Variants in AATF observed in about 807,000 individuals in gnomAD.
AATF encodes protein AATF.
A neutral mutation model predicts 63.7 loss-of-function variants in AATF; 48 were observed. The observed-to-expected ratio is 0.75, with a 90% CI of 0.60 to 0.96. The LOEUF is 0.96. AATF is among the 40% of genes least tolerant of loss of function. The probability of loss-of-function intolerance (pLI) is 0.00; values close to 1 mark genes in which losing one functional copy is unlikely to be tolerated. For missense variants in AATF, 639 were observed against 685.7 expected, an observed-to-expected ratio of 0.93 and a Z score of 0.76; for synonymous variants, 258 against 247.7, an observed-to-expected ratio of 1.04 and a Z score of -0.39.
At chr17:36,983,023 G>T (rs1175482979) in intron 4 of AATF, among the ~76,000 whole-genome samples, 1 of 151,682 alleles carries the variant, frequency 6.6e-6, no homozygotes, top group East Asian at 1.9e-4. Flanking sequence ...TTTTTTTAGT[G>T]TTTCTTTTTT....
At chr17:36,976,654 TAC>T (rs879664782) in intron 4 of AATF, among the ~76,000 whole-genome samples, 1 of 152,194 alleles carries the variant, frequency 6.6e-6, no homozygotes, top group Non-Finnish European at 1.5e-5. Flanking sequence ...GTGAGTAGTT[TAC>T]AGTTTCTGCT....
intron 8 of AATF, among the ~76,000 whole-genome samples, chr17:36,992,731 C>T (rs1417891427): frequency 6.6e-6 from 1 of 151,414 alleles, no homozygotes; most frequent in African/African-American, 2.4e-5. Context: ...AGAGTTATGA[C>T]TAGTCACATC....
At chr17:36,962,962 A>G (rs1399519777) in intron 4 of AATF, among the ~76,000 whole-genome samples, 2 of 152,152 alleles carry the variant, frequency 1.3e-5, no homozygotes, top group Non-Finnish European at 2.9e-5. Flanking sequence ...TATTAAAAAT[A>G]CAAAAAATGA....
chr17:36,953,417 C>T (rs2070873262), intron 3 of AATF, 121 bp downstream of exon 3: 4 of 1,465,140 alleles, frequency 2.7e-6, no homozygotes, highest in Non-Finnish European at 3.6e-6. Context: ...TTGTGACATG[C>T]CCCACTTACC....
At chr17:37,015,123 T>C (rs1314764674) in intron 8 of AATF, among the ~76,000 whole-genome samples, 10 of 152,250 alleles carry the variant, frequency 6.6e-5, no homozygotes, top group Non-Finnish European at 1.2e-4. Context: ...TCCTTAACTG[T>C]CTGTTCATAT....
chr17:37,007,247 G>T (rs1406180312), intron 8 of AATF, among the ~76,000 whole-genome samples: 1 of 152,058 alleles, frequency 6.6e-6, no homozygotes, highest in East Asian at 1.9e-4. Flanking sequence ...GACCATAGTG[G>T]TGCAGTCATA....
chr17:36,950,373 A>G lies in AATF; in HGVS notation c.251A>G (p.Asp84Gly), dbSNP rs973725896. 5.6e-6 allele frequency: 9 copies of G among 1,614,174 alleles called. No homozygotes were observed. Among genetic ancestry groups the G allele is most frequent in the Non-Finnish European group, 7.6e-6 (9 of 1,180,034 alleles). Residue 84 changes from aspartate (D) to glycine (G), a missense_variant, in exon 2 of 12, where the codon GAC becomes GGC. By Grantham distance (94) the Asp-to-Gly change is moderately conservative (BLOSUM62 -1). Coordinates refer to ENST00000619387, the MANE Select transcript of AATF (RefSeq NM_012138.4). ...KTTSRKAWNE[D>G]HWEQTLPGSS... is the part of the protein sequence containing the mutation. ...ACCTCTAGAAAAGCATGGAATGAAGACCATTGGGAGCAGACTCTGCCAGGA... is the reference window on the plus strand; with the variant it reads ...ACCTCTAGAAAAGCATGGAATGAAGGCCATTGGGAGCAGACTCTGCCAGGA...
intron 2 of AATF, 54 bp from the exon 3 acceptor site, chr17:36,952,832 G>A (rs561047960): frequency 1.3e-6 from 2 of 1,573,474 alleles, no homozygotes; most frequent in African/African-American, 2.7e-5. Context: ...CTATGGCTTG[G>A]TATTTTCTCC....
chr17:37,025,829 G>T (rs1304675034), intron 10 of AATF, among the ~76,000 whole-genome samples: 1 of 152,142 alleles, frequency 6.6e-6, no homozygotes, highest in Non-Finnish European at 1.5e-5. Context: ...ATTTTTGCAG[G>T]CAAGGTCCAC....
intron 8 of AATF, among the ~76,000 whole-genome samples, chr17:37,005,064 A>G (rs73985333): frequency 0.037 from 5,637 of 152,278 alleles, 319 homozygotes; most frequent in African/African-American, 0.13. Context: ...ACATGAAGCT[A>G]TTTATAGGCT....
At chr17:36,968,266 CTTTCTTTTTTTTTTTTTTTTTT>C (rs2071009855) in intron 4 of AATF, among the ~76,000 whole-genome samples, 1 of 75,572 alleles carries the variant, frequency 1.3e-5, no homozygotes. Context: ...TTCTTTCCTT[CTTTCTTTTTTTTTTTTTTTTTT>C]TTTTTTTTTT....
chr17:36,961,362 A>T (rs1479883594), intron 4 of AATF, among the ~76,000 whole-genome samples: 1 of 152,228 alleles, frequency 6.6e-6, no homozygotes, highest in Admixed American at 6.5e-5. Context: ...GTAATTTAAA[A>T]TTTTTTAATA....
intron 11 of AATF, among the ~76,000 whole-genome samples, chr17:37,040,961 A>T (rs183933700): frequency 1.8e-4 from 27 of 152,350 alleles, no homozygotes; most frequent in African/African-American, 5.8e-4. Context: ...TCTCTGCCAT[A>T]GTCAGGCACC....
rs761559156 is a variant in AATF at position 36,953,763 on chromosome 17, T to C, written c.695-7T>C. On this transcript the variant is annotated splice_polypyrimidine_tract_variant and splice_region_variant and intron_variant, in intron 3 of 11. Coordinates refer to ENST00000619387, the MANE Select transcript of AATF (RefSeq NM_012138.4). ...TGAGGAATGGGATTCTCTTTTCTTC[T>C]TTTCAGCACTGTGGGACCAGCTCTT... The C allele has an allele frequency of 1.9e-6, 3 of 1,605,670 alleles. No individual in the cohort carries two copies. Among genetic ancestry groups the C allele is most frequent in the East Asian group, 2.2e-5 (1 of 44,844 alleles).
At chr17:37,035,361 G>A (rs866320199) in intron 11 of AATF, among the ~76,000 whole-genome samples, 12 of 150,062 alleles carry the variant, frequency 8.0e-5, no homozygotes, top group African/African-American at 2.9e-4. Flanking sequence ...TGGGACTACA[G>A]GCGTGCACCA....
At chr17:37,003,572 T>G (rs2071318707) in intron 8 of AATF, among the ~76,000 whole-genome samples, 1 of 147,586 alleles carries the variant, frequency 6.8e-6, no homozygotes, top group African/African-American at 2.5e-5. Flanking sequence ...GCTCAAGTGA[T>G]CCTCCCACCT....
intron 4 of AATF, among the ~76,000 whole-genome samples, chr17:36,969,348 T>C (rs2071021463): frequency 6.6e-6 from 1 of 152,248 alleles, no homozygotes; most frequent in African/African-American, 2.4e-5. Context: ...TTCAATATTA[T>C]GCCTTTGCCC....
At chr17:36,961,264 A>G (rs1189147367) in intron 4 of AATF, among the ~76,000 whole-genome samples, 1 of 152,250 alleles carries the variant, frequency 6.6e-6, no homozygotes, top group Non-Finnish European at 1.5e-5. Context: ...TGTATAAAAC[A>G]TGCTTTAATA....
At chr17:36,967,619 T>C (rs530594144) in intron 4 of AATF, among the ~76,000 whole-genome samples, 79 of 152,298 alleles carry the variant, frequency 5.2e-4, no homozygotes, top group Non-Finnish European at 1.0e-3. Flanking sequence ...CTTGCTTCTG[T>C]GGATCTCCTA....
Sources: gnomAD v4.1 joint callset for allele counts (sites outside exome capture counted in the v4.1 genomes callset) on GRCh38, gnomAD v4.1.1 for gene constraint, MANE v1.5 for transcripts, NCBI Gene and HGNC (gene_info 2026-07-23, HGNC 2026-07-21) for gene names.